The following SNX13 variants were observed in gnomAD, a reference collection of about 807,000 sequenced individuals.
The protein encoded by SNX13 is sorting nexin 13, also known as sorting nexin-13.
SNX13 carries 45 observed loss-of-function variants against 133.6 expected under a neutral mutation model. The observed-to-expected ratio is 0.34, with a 90% CI of 0.27 to 0.43. The LOEUF is 0.43. SNX13 is among the 20% of genes least tolerant of loss of function. SNX13 has a pLI of 1.00. For missense variants in SNX13, 1,032 were observed against 1,145.1 expected (o/e 0.90, Z 1.43); for synonymous variants, 414 against 373.9 (o/e 1.11, Z -1.24).
intron 5 of SNX13, among the ~76,000 whole-genome samples, chr7:17,884,165 G>T (rs1212886372): frequency 6.6e-6 from 1 of 152,264 alleles, no homozygotes; most frequent in East Asian, 1.9e-4. Context: ...AGTAGCATAT[G>T]CTGTATGATT....
Position 17,845,533 on chromosome 7 carries a change from C to T in SNX13, c.1165+62G>A, listed in dbSNP as rs1790413327. On this transcript the variant is annotated intron_variant, in intron 12 of 25. Coordinates refer to ENST00000428135, the MANE Select transcript of SNX13 (RefSeq NM_015132.5). ...GATACTAAATTTTATGTGTATTTTA[C>T]AATAAAAAATCGAAAAAGAAATTCA... The T allele has an allele frequency of 2.9e-6, 3 of 1,032,842 alleles. No homozygotes were observed. The African/African-American group carries it at 5.0e-5, about 17-fold the overall frequency. 64.0% of individuals were successfully genotyped at this position (1,032,842 alleles called of 1,614,324 possible).
intron 22 of SNX13, among the ~76,000 whole-genome samples, chr7:17,801,169 A>G (rs1039721160): frequency 2.0e-5 from 3 of 151,388 alleles, no homozygotes; most frequent in East Asian, 1.9e-4. Flanking sequence ...AGATTGTACT[A>G]TATTTACAAA....
At chr7:17,822,443 AT>A (rs1562702650) in intron 17 of SNX13, among the ~76,000 whole-genome samples, 4 of 152,098 alleles carry the variant, frequency 2.6e-5, no homozygotes, top group Non-Finnish European at 5.9e-5. Context: ...TTCTTAATCC[AT>A]TCTCTGACCT....
chr7:17,885,640 C>A (rs1795902434), intron 5 of SNX13, among the ~76,000 whole-genome samples: 1 of 152,102 alleles, frequency 6.6e-6, no homozygotes, highest in Non-Finnish European at 1.5e-5. Context: ...CCAGCCTAGG[C>A]AATGTGGTGA....
At position 17,792,331 on chromosome 7, in the gene SNX13, A is replaced by G. The variant is rs916553499; in HGVS notation, c.*1714T>C. The G allele has an allele frequency of 6.6e-6, 1 of 151,988 alleles. No individual in the cohort carries two copies. The highest frequency in any genetic ancestry group is 2.4e-5 in the African/African-American group (1 of 41,428). The allele number at this position is 151,988 out of a possible 1,614,324, so 9.4% of individuals were successfully genotyped here. On this transcript the variant is annotated 3_prime_UTR_variant, in exon 26 of 26. Coordinates refer to ENST00000428135, the MANE Select transcript of SNX13 (RefSeq NM_015132.5). ...ATTTCTTCCACCAGAGCCACTAAGG[A>G]TCTTTTCTCACTTGCAAGTTGCAAT...
intron 9 of SNX13, among the ~76,000 whole-genome samples, chr7:17,858,911 T>C (rs1792271796): frequency 6.6e-6 from 1 of 152,116 alleles, no homozygotes; most frequent in African/African-American, 2.4e-5. Flanking sequence ...ATGTCTGTAT[T>C]TTAAAAATCA....
chr7:17,790,808 C>A lies in SNX13; in HGVS notation c.*3237G>T, dbSNP rs1435977697. On this transcript the variant is annotated 3_prime_UTR_variant, in exon 26 of 26. Coordinates refer to ENST00000428135, the MANE Select transcript of SNX13 (RefSeq NM_015132.5). ...ATTTTCTAATGGACAGAACACAAAC[C>A]AAATAAATTTTTTAATCCTTTTAGT... 6.6e-6 allele frequency: 1 copy of A among 151,944 alleles called. No individual in the cohort carries two copies. Among genetic ancestry groups the A allele is most frequent in the Non-Finnish European group, 1.5e-5 (1 of 67,908 alleles). 9.4% of individuals were successfully genotyped at this position (151,944 alleles called of 1,614,324 possible).
chr7:17,858,994 A>G (rs1222057530), intron 9 of SNX13, among the ~76,000 whole-genome samples: 1 of 152,152 alleles, frequency 6.6e-6, no homozygotes, highest in African/African-American at 2.4e-5. Context: ...AGTAAAAATT[A>G]TAAAACTTAG....
Position 17,796,828 on chromosome 7 carries a change from T to C in SNX13, c.2625A>G (p.Pro875=), listed in dbSNP as rs200729097. The C allele has an allele frequency of 3.1e-4, 495 of 1,595,842 alleles. No individual in the cohort carries two copies. The highest frequency in any genetic ancestry group is 4.1e-4 in the Non-Finnish European group (481 of 1,164,868). The part of the protein sequence containing the change: ...AGKTKLLAIM[P]DELKHIIGAE... ...TTTTAACTATACATGCTCACTCACCTGGCATAATTGCAAGTAATTTCGTTT... is the reference window on the plus strand; with the variant it reads ...TTTTAACTATACATGCTCACTCACCCGGCATAATTGCAAGTAATTTCGTTT... Residue 875 remains proline (P), a splice_region_variant and synonymous_variant, in exon 25 of 26, where the codon CCA becomes CCG. Transcript: ENST00000428135.
chr7:17,833,037 A>G (rs1788698689), intron 15 of SNX13, among the ~76,000 whole-genome samples: 1 of 151,566 alleles, frequency 6.6e-6, no homozygotes, highest in Non-Finnish European at 1.5e-5. Flanking sequence ...AAACCTATTC[A>G]TAAGTAAACA....
chr7:17,838,550 T>C (rs1291578775), intron 13 of SNX13, among the ~76,000 whole-genome samples: 3 of 151,862 alleles, frequency 2.0e-5, no homozygotes, highest in Non-Finnish European at 2.9e-5. Flanking sequence ...GATTTTTAAG[T>C]AAAAAAAGAT....
intron 11 of SNX13, among the ~76,000 whole-genome samples, chr7:17,850,131 A>C (rs1791035098): frequency 6.6e-6 from 1 of 152,220 alleles, no homozygotes; most frequent in Non-Finnish European, 1.5e-5. Flanking sequence ...AAAATCTTCA[A>C]TTACTTTAAC....
Position 17,849,623 on chromosome 7 carries a change from AC to A in SNX13, c.1065+723del, listed in dbSNP as rs540664027. On this transcript the variant is annotated intron_variant, in intron 11 of 25. Transcript: ENST00000428135. ...ACCATATATGACCATATAAGATCTA[AC>A]CCCCCGGTTCTTCTATGACTTCATT... 1.1e-4 allele frequency among the ~76,000 whole-genome samples: 17 copies of A among 152,236 alleles called. No homozygotes were observed. The South Asian group carries it at 3.3e-3, about 30-fold the overall frequency.
In SNX13 at chr7:17,799,116, G is replaced by T. The variant is rs1158765224; in HGVS notation, c.2337C>A (p.Leu779=). ...DNIPLRVMLL[L]MDEVFDLKER... ...CTTTTAAGTCGAATACTTCATCCAT[G>T]AGAAGCAGCATTACCCTAAGTGGAA... is the stretch of plus-strand genomic sequence containing the variant. Residue 779 remains leucine (L), a synonymous_variant, in exon 23 of 26, where the codon CTC becomes CTA. Coordinates refer to ENST00000428135, the MANE Select transcript of SNX13 (RefSeq NM_015132.5). 5.0e-6 allele frequency: 8 copies of T among 1,609,864 alleles called. No homozygotes were observed. Among genetic ancestry groups the T allele is most frequent in the Admixed American group, 1.7e-5 (1 of 59,636 alleles).
At chr7:17,851,399 CTG>C (rs977618078) in intron 9 of SNX13, among the ~76,000 whole-genome samples, 4 of 152,236 alleles carry the variant, frequency 2.6e-5, no homozygotes, top group African/African-American at 7.2e-5. Flanking sequence ...AACACAACCA[CTG>C]TGTTGTTGTA....
At position 17,891,635 on chromosome 7, in the gene SNX13, A is replaced by C; in HGVS notation, c.229T>G (p.Cys77Gly). ...GCTTCCCGTTTCATTTCTTCTAAGC[A>C]CTTAAAGGAAATCAAAATATCTTAC... ...LPPTSPGVPK[C>G]LEEMKREART... Residue 77 changes from cysteine (C) to glycine (G), a missense_variant and splice_region_variant, in exon 4 of 26, where the codon TGC (cysteine) becomes GGC (glycine). Cys to Gly is a radical substitution (Grantham distance 159). Coordinates refer to ENST00000428135, the MANE Select transcript of SNX13 (RefSeq NM_015132.5). 6.2e-7 allele frequency: 1 copy of C among 1,608,142 alleles called. No individual in the cohort carries two copies. The highest frequency in any genetic ancestry group is 8.5e-7 in the Non-Finnish European group (1 of 1,176,002).
intron 20 of SNX13, among the ~76,000 whole-genome samples, chr7:17,812,541 T>C (rs911718461): frequency 6.6e-6 from 1 of 152,186 alleles, no homozygotes; most frequent in African/African-American, 2.4e-5. Flanking sequence ...TTTTACACTG[T>C]TGGTGGGAGT....
chr7:17,868,237 A>T (rs1171821311), intron 9 of SNX13, 170 bp downstream of exon 9: 1 of 573,624 alleles, frequency 1.7e-6, no homozygotes, highest in African/African-American at 1.9e-5. Context: ...TTTGGCCAAC[A>T]CATTCAAAAT....
intron 1 of SNX13, among the ~76,000 whole-genome samples, chr7:17,925,391 T>C (rs1005621796): frequency 6.6e-6 from 1 of 152,122 alleles, no homozygotes; most frequent in Non-Finnish European, 1.5e-5. Context: ...ATTGAATGCT[T>C]TAGTTAGGTG....
Sources: gnomAD v4.1 joint callset for allele counts (sites outside exome capture counted in the v4.1 genomes callset) on GRCh38, gnomAD v4.1.1 for gene constraint, MANE v1.5 for transcripts, NCBI Gene and HGNC (gene_info 2026-07-23, HGNC 2026-07-21) for gene names.